The following LSAMP variants were observed in gnomAD, a reference collection of about 807,000 sequenced individuals.
LSAMP encodes the protein limbic system associated membrane protein, also known as limbic system-associated membrane protein.
Under a neutral mutation model 38.6 loss-of-function variants are expected in LSAMP, and 7 were observed. The observed-to-expected ratio is 0.18, with a 90% CI of 0.10 to 0.34. The LOEUF is 0.34. Ranked by LOEUF, LSAMP falls within the 10% of genes least tolerant of loss-of-function variation. LSAMP has a pLI of 1.00. For missense variants in LSAMP, 313 were observed against 420.0 expected (o/e 0.75, Z 2.23); for synonymous variants, 154 against 166.8 (o/e 0.92, Z 0.59).
chr3:116,097,607 T>C (rs1708252706), intron 1 of LSAMP, among the ~76,000 whole-genome samples: 2 of 152,158 alleles, frequency 1.3e-5, no homozygotes, highest in Non-Finnish European at 2.9e-5. Flanking sequence ...AGTAAATAAG[T>C]AAGTAATGAG....
At chr3:116,370,404 C>T (rs1013606773) in intron 1 of LSAMP, among the ~76,000 whole-genome samples, 2 of 152,172 alleles carry the variant, frequency 1.3e-5, no homozygotes, top group African/African-American at 4.8e-5. Context: ...CAGAATCTGT[C>T]TGCTTAATTA....
In LSAMP at chr3:115,842,009, C is replaced by T. The variant is rs781529681; in HGVS notation, c.771-16G>A. 2 of 1,602,662 alleles carry T rather than the reference C, an allele frequency of 1.2e-6. No homozygotes were observed. Among genetic ancestry groups the T allele is most frequent in the Admixed American group, 3.5e-5 (2 of 57,694 alleles). On this transcript the variant is annotated splice_polypyrimidine_tract_variant and intron_variant, in intron 5 of 6. Transcript: ENST00000490035. ...ACTATTTATCCTAAGAGTTCAAAAACAGAAGAATAGAAAGGATCACTGGTG... is the reference window on the plus strand; with the variant it reads ...ACTATTTATCCTAAGAGTTCAAAAATAGAAGAATAGAAAGGATCACTGGTG...
At chr3:115,957,047 C>A (rs1025697008) in intron 3 of LSAMP, among the ~76,000 whole-genome samples, 2 of 152,194 alleles carry the variant, frequency 1.3e-5, no homozygotes, top group African/African-American at 2.4e-5. Context: ...ATATTTGTCA[C>A]ATTTTTAATG....
intron 1 of LSAMP, among the ~76,000 whole-genome samples, chr3:116,148,386 A>G (rs534400387): frequency 2.6e-5 from 4 of 152,102 alleles, no homozygotes; most frequent in African/African-American, 9.6e-5. Context: ...AAAGAGCTCA[A>G]ATCAGCAGAG....
intron 2 of LSAMP, among the ~76,000 whole-genome samples, chr3:116,024,958 T>C (rs1290677146): frequency 6.6e-6 from 1 of 151,928 alleles, no homozygotes; most frequent in East Asian, 1.9e-4. Flanking sequence ...CTAGATCATA[T>C]TCACTTCTGA....
At chr3:116,136,510 A>G (rs1709251031) in intron 1 of LSAMP, among the ~76,000 whole-genome samples, 1 of 152,174 alleles carries the variant, frequency 6.6e-6, no homozygotes, top group Admixed American at 6.5e-5. Flanking sequence ...TGGGAATATC[A>G]TAAGCCACAG....
intron 1 of LSAMP, among the ~76,000 whole-genome samples, chr3:116,386,111 C>G (rs1443290999): frequency 6.6e-6 from 1 of 152,006 alleles, no homozygotes; most frequent in African/African-American, 2.4e-5. Context: ...AATAGTAAAG[C>G]AGTAGAGGCA....
At chr3:116,417,591 G>A (rs186518274) in intron 1 of LSAMP, among the ~76,000 whole-genome samples, 1 of 152,244 alleles carries the variant, frequency 6.6e-6, no homozygotes, top group East Asian at 1.9e-4. Context: ...TCGACCTGCT[G>A]GAGAAAATGC....
chr3:115,821,723 G>C (rs1202775726), intron 6 of LSAMP, among the ~76,000 whole-genome samples: 1 of 152,118 alleles, frequency 6.6e-6, no homozygotes, highest in African/African-American at 2.4e-5. Flanking sequence ...AATTCAGTAG[G>C]GATTTTATCC....
At chr3:116,153,456 C>A (rs1452688133) in intron 1 of LSAMP, among the ~76,000 whole-genome samples, 1 of 152,116 alleles carries the variant, frequency 6.6e-6, no homozygotes, top group East Asian at 1.9e-4. Flanking sequence ...GATGACTTAT[C>A]AAACTGTGCT....
At chr3:115,916,461 A>G (rs1937253568) in intron 3 of LSAMP, among the ~76,000 whole-genome samples, 3 of 152,242 alleles carry the variant, frequency 2.0e-5, no homozygotes, top group African/African-American at 7.2e-5. Context: ...TGTATAGCTC[A>G]GATCAAGAGA....
intron 1 of LSAMP, among the ~76,000 whole-genome samples, chr3:116,276,563 C>T (rs114941534): frequency 0.043 from 6,458 of 151,286 alleles, 444 homozygotes; most frequent in African/African-American, 0.14. Context: ...AGGCTGCAAA[C>T]AGGGTGCAGC....
chr3:116,155,453 C>T (rs1308011587), intron 1 of LSAMP, among the ~76,000 whole-genome samples: 1 of 152,016 alleles, frequency 6.6e-6, no homozygotes, highest in East Asian at 1.9e-4. Flanking sequence ...GTTTCGAACT[C>T]CTGACTTCAG....
At chr3:116,303,068 A>AAATT (rs1219019410) in intron 1 of LSAMP, among the ~76,000 whole-genome samples, 2 of 152,008 alleles carry the variant, frequency 1.3e-5, no homozygotes, top group East Asian at 1.9e-4. Context: ...TTGAACTATG[A>AAATT]AATTAATGTG....
At chr3:116,404,680 A>G (rs2048879332) in intron 1 of LSAMP, among the ~76,000 whole-genome samples, 1 of 152,208 alleles carries the variant, frequency 6.6e-6, no homozygotes, top group African/African-American at 2.4e-5. Context: ...ATTTAATTTA[A>G]TAAAACAGAT....
rs534953193 is a variant in LSAMP, at chr3:116,078,568, C to T, written c.388+7756G>A. Among the ~76,000 whole-genome samples, 12 of 152,246 alleles carry T rather than the reference C, an allele frequency of 7.9e-5. 1 individual carries two copies. The East Asian group carries it at 1.9e-3, about 24-fold the overall frequency. ...GTCTTGATCTCCTGACCTTGTGATCCACCCGCCTCGGCCTCCCAGAGTGCT... is the reference window on the plus strand; with the variant it reads ...GTCTTGATCTCCTGACCTTGTGATCTACCCGCCTCGGCCTCCCAGAGTGCT... On this transcript the variant is annotated intron_variant, in intron 2 of 6. Coordinates refer to ENST00000490035, the MANE Select transcript of LSAMP (RefSeq NM_002338.5).
intron 6 of LSAMP, chr3:115,838,019 C>T (rs111285217): frequency 6.6e-6 from 1 of 152,228 alleles, no homozygotes; most frequent in Non-Finnish European, 1.5e-5. Context: ...GAGTCAGAGA[C>T]CAACAGGTTG....
chr3:116,377,604 G>T (rs1437195689), intron 1 of LSAMP, among the ~76,000 whole-genome samples: 1 of 151,970 alleles, frequency 6.6e-6, no homozygotes, highest in Non-Finnish European at 1.5e-5. Context: ...CTAGTAATTG[G>T]ATTGCTGGGT....
intron 1 of LSAMP, among the ~76,000 whole-genome samples, chr3:116,391,279 G>A (rs907885023): frequency 2.6e-5 from 4 of 151,846 alleles, no homozygotes; most frequent in Non-Finnish European, 5.9e-5. Context: ...TGGCGGTGGT[G>A]GGACCCCTGT....
Sources: allele counts gnomAD v4.1 joint callset (sites outside exome capture counted in the v4.1 genomes callset), GRCh38; gene constraint gnomAD v4.1.1; transcripts MANE v1.5; gene names NCBI Gene and HGNC (gene_info 2026-07-23, HGNC 2026-07-21).